Variants in KCNIP4 observed in about 807,000 individuals in gnomAD.
The protein encoded by KCNIP4 is potassium voltage-gated channel interacting protein 4.
In KCNIP4, 12 loss-of-function variants were observed where a neutral mutation model predicts 34.0. That is an observed-to-expected ratio of 0.35 (90% confidence interval 0.23 to 0.57). The LOEUF (loss-of-function observed/expected upper bound fraction) is 0.57. KCNIP4 is among the 20% of genes least tolerant of loss of function. The pLI is 0.83. For synonymous variants in KCNIP4, 124 were observed against 102.2 expected, an observed-to-expected ratio of 1.21 and a Z score of -1.29; for missense variants, 238 against 311.7, an observed-to-expected ratio of 0.76 and a Z score of 1.78.
chr4:21,130,365 ATTTC>A (rs1179413071), intron 1 of KCNIP4, among the ~76,000 whole-genome samples: 1 of 152,162 alleles, frequency 6.6e-6, no homozygotes, highest in African/African-American at 2.4e-5. Context: ...AGAAGTTAAA[ATTTC>A]TTTCTTTCTC....
Position 21,714,786 on chromosome 4 carries a change from A to AC in KCNIP4, c.61+233784_61+233785insG, listed in dbSNP as rs778595133. ...AGAATGTGTTAGTAATTTCCCTTTGATTATTTTATTTTATTTTATTTTATT... is the reference window on the plus strand; with the variant it reads ...AGAATGTGTTAGTAATTTCCCTTTGACTTATTTTATTTTATTTTATTTTATT... On this transcript the variant is annotated intron_variant, in intron 1 of 8. Coordinates refer to ENST00000382152, the MANE Select transcript of KCNIP4 (RefSeq NM_025221.6). 0.011 allele frequency among the ~76,000 whole-genome samples: 507 copies of AC among 46,238 alleles called. 55 individuals are homozygous for AC. In the East Asian group the frequency reaches 0.11, roughly 10 times the overall value. 30.3% of individuals were successfully genotyped at this position (46,238 alleles called of 152,430 possible). A position where few individuals can be genotyped will look rare whatever the true frequency, so the allele number is the denominator to read the frequency against.
At chr4:20,871,216 C>G (rs997756087) in intron 2 of KCNIP4, among the ~76,000 whole-genome samples, 5 of 152,100 alleles carry the variant, frequency 3.3e-5, no homozygotes, top group Non-Finnish European at 5.9e-5. Flanking sequence ...ACCAAATTCT[C>G]TCTCCCATGG....
intron 1 of KCNIP4, among the ~76,000 whole-genome samples, chr4:21,088,353 T>C (rs982482598): frequency 6.6e-5 from 10 of 152,134 alleles, no homozygotes; most frequent in African/African-American, 2.4e-4. Flanking sequence ...TTCCTAAATA[T>C]CTCTTATATT....
intron 1 of KCNIP4, among the ~76,000 whole-genome samples, chr4:21,929,156 A>T (rs1287215762): frequency 6.6e-6 from 1 of 152,152 alleles, no homozygotes; most frequent in Non-Finnish European, 1.5e-5. Flanking sequence ...AACACTGCTC[A>T]TGCATACTGA....
chr4:21,814,842 C>T (rs556441712), intron 1 of KCNIP4, among the ~76,000 whole-genome samples: 32 of 152,222 alleles, frequency 2.1e-4, no homozygotes, highest in Admixed American at 2.0e-3. Context: ...TTCAGTTCCA[C>T]AGGAAATACC....
intron 2 of KCNIP4, among the ~76,000 whole-genome samples, chr4:20,865,699 G>A (rs1473908769): frequency 1.3e-5 from 2 of 152,034 alleles, no homozygotes; most frequent in African/African-American, 4.8e-5. Flanking sequence ...AATGGTTAAA[G>A]TGGGGAGGAA....
intron 1 of KCNIP4, among the ~76,000 whole-genome samples, chr4:21,634,461 T>G (rs1408620427): frequency 3.9e-5 from 6 of 152,062 alleles, no homozygotes; most frequent in Non-Finnish European, 8.8e-5. Context: ...TGGGAGGATC[T>G]TCAGAGATCA....
chr4:21,900,767 C>T (rs571459816), intron 1 of KCNIP4, among the ~76,000 whole-genome samples: 1 of 152,182 alleles, frequency 6.6e-6, no homozygotes, highest in South Asian at 2.1e-4. Context: ...TTTTCCCTGC[C>T]ATATTTCTAT....
intron 1 of KCNIP4, among the ~76,000 whole-genome samples, chr4:21,937,947 C>A (rs939489785): frequency 1.1e-4 from 17 of 152,144 alleles, no homozygotes; most frequent in Admixed American, 2.0e-4. Flanking sequence ...TGATTGAAAT[C>A]TATCAGTAGT....
intron 1 of KCNIP4, among the ~76,000 whole-genome samples, chr4:21,660,239 T>C (rs1748332617): frequency 6.6e-6 from 1 of 152,152 alleles, no homozygotes; most frequent in Non-Finnish European, 1.5e-5. Flanking sequence ...ACTTAGACTA[T>C]AATACATGAA....
intron 1 of KCNIP4, among the ~76,000 whole-genome samples, chr4:21,519,793 G>GTA (rs1735350717): frequency 7.9e-6 from 1 of 127,118 alleles, no homozygotes; most frequent in African/African-American, 3.1e-5. Context: ...GTATGTGTGT[G>GTA]TATACACGTG....
At chr4:20,774,160 C>A (rs958797216) in intron 3 of KCNIP4, among the ~76,000 whole-genome samples, 1 of 152,136 alleles carries the variant, frequency 6.6e-6, no homozygotes, top group Non-Finnish European at 1.5e-5. Flanking sequence ...ACACCCAGTA[C>A]ACATTCCCCA....
chr4:20,855,294 A>G (rs954106443), intron 2 of KCNIP4, among the ~76,000 whole-genome samples: 12 of 152,178 alleles, frequency 7.9e-5, no homozygotes, highest in African/African-American at 2.4e-4. Context: ...CACACCTCAG[A>G]TGAGGAACTT....
intron 1 of KCNIP4, among the ~76,000 whole-genome samples, chr4:21,491,372 T>C (rs1732382603): frequency 6.6e-6 from 1 of 152,074 alleles, no homozygotes. Context: ...GTCTCTGAAA[T>C]GCCACTTGTT....
At chr4:21,712,136 CA>C (rs5856658) in intron 1 of KCNIP4, among the ~76,000 whole-genome samples, 80,501 of 151,782 alleles carry the variant, frequency 0.53, 22,167 homozygotes, top group Non-Finnish European at 0.6. Context: ...TAAAAGTATT[CA>C]AAACAAAACA....
chr4:21,380,450 G>GGAGATT (rs1304148639), intron 1 of KCNIP4, among the ~76,000 whole-genome samples: 3 of 131,962 alleles, frequency 2.3e-5, no homozygotes, highest in Non-Finnish European at 5.2e-5. Flanking sequence ...GGAGGGAGAG[G>GGAGATT]GAGAGGGGGA....
At chr4:21,066,169 C>A (rs1221852796) in intron 1 of KCNIP4, among the ~76,000 whole-genome samples, 1 of 152,054 alleles carries the variant, frequency 6.6e-6, no homozygotes, top group Non-Finnish European at 1.5e-5. Context: ...TTACAGTATT[C>A]TTCTTATTGT....
At chr4:21,049,936 C>T (rs1273918781) in intron 1 of KCNIP4, among the ~76,000 whole-genome samples, 2 of 152,228 alleles carry the variant, frequency 1.3e-5, no homozygotes, top group Non-Finnish European at 1.5e-5. Flanking sequence ...ACACATTTTA[C>T]AAGTGACTCT....
At chr4:20,969,552 GTGTT>G (rs956402328) in intron 1 of KCNIP4, among the ~76,000 whole-genome samples, 33 of 148,948 alleles carry the variant, frequency 2.2e-4, no homozygotes, top group East Asian at 1.5e-3. Context: ...TGCTGCGTGT[GTGTT>G]TGTGTGTGTG....
Sources: gnomAD v4.1 joint callset for allele counts (sites outside exome capture counted in the v4.1 genomes callset) on GRCh38, gnomAD v4.1.1 for gene constraint, MANE v1.5 for transcripts, NCBI Gene and HGNC (gene_info 2026-07-23, HGNC 2026-07-21) for gene names.